Variants in UROS observed in about 807,000 individuals in gnomAD.
The protein encoded by UROS is uroporphyrinogen-III synthase.
A neutral mutation model predicts 33.0 loss-of-function variants in UROS; 18 were observed. The ratio of observed to expected loss-of-function variants is 0.55; its 90% confidence interval spans 0.38 to 0.81. The LOEUF is 0.81. Among genes scored for constraint, UROS ranks in the 30% least tolerant of loss-of-function variants. The pLI is 0.00. For synonymous variants in UROS, 114 were observed against 121.1 expected (o/e 0.94, Z 0.38); for missense variants, 293 against 314.9 (o/e 0.93, Z 0.53).
In UROS at chr10:125,794,994, A is replaced by G; in HGVS notation, c.562-16T>C. 1 of 1,603,488 alleles carries G rather than the reference A, an allele frequency of 6.2e-7. No homozygotes were observed. The highest frequency in any genetic ancestry group is 8.5e-7 in the Non-Finnish European group (1 of 1,170,350). On this transcript the variant is annotated splice_polypyrimidine_tract_variant and intron_variant, in intron 8 of 9. Coordinates refer to ENST00000368797, the MANE Select transcript of UROS (RefSeq NM_000375.3). ...CTGGAACCCCCTGTGGGGAACAGAA[A>G]ACAAGATCAGTCCTTGCCATGAGAC...
chr10:125,790,826 C>T (rs1334831406), intron 9 of UROS, among the ~76,000 whole-genome samples: 1 of 149,688 alleles, frequency 6.7e-6, no homozygotes, highest in Non-Finnish European at 1.5e-5. Context: ...CGCCGTGGCT[C>T]ATGCCTGTAA....
intron 6 of UROS, among the ~76,000 whole-genome samples, chr10:125,798,419 C>T (rs1851542964): frequency 6.6e-6 from 1 of 152,224 alleles, no homozygotes; most frequent in African/African-American, 2.4e-5. Flanking sequence ...TCTTTTAACT[C>T]CTTCTGATCC....
chr10:125,797,210 C>T (rs997583667), intron 7 of UROS, among the ~76,000 whole-genome samples: 1 of 152,200 alleles, frequency 6.6e-6, no homozygotes, highest in Non-Finnish European at 1.5e-5. Context: ...CTGGGTCACA[C>T]TGCTCATGTG....
At chr10:125,804,845 A>C (rs10794023) in intron 6 of UROS, among the ~76,000 whole-genome samples, 119,660 of 152,154 alleles carry the variant, frequency 0.79, 47,378 homozygotes, top group South Asian at 0.82. Flanking sequence ...TTACTGATGT[A>C]TATGTTCCCC....
At chr10:125,785,848 G>A (rs1454109542), downstream of UROS, 2 of 152,248 alleles carry the variant, frequency 1.3e-5, no homozygotes, top group African/African-American at 4.8e-5. Flanking sequence ...AGCTGGAGGG[G>A]AAGGCACGTG....
intron 6 of UROS, among the ~76,000 whole-genome samples, chr10:125,803,756 C>A (rs1276054077): frequency 6.6e-6 from 1 of 152,206 alleles, no homozygotes; most frequent in East Asian, 1.9e-4. Context: ...ACTCAGTGCT[C>A]CCCAGCTTGC....
intron 6 of UROS, among the ~76,000 whole-genome samples, chr10:125,806,081 T>A (rs1852306551): frequency 6.6e-6 from 1 of 151,838 alleles, no homozygotes; most frequent in South Asian, 2.1e-4. Flanking sequence ...TAGAACAAGC[T>A]CCCAGTAACA....
chr10:125,802,921 C>T, intron 6 of UROS: 1 of 1,609,510 alleles, frequency 6.2e-7, no homozygotes. Flanking sequence ...GCCTTGCCAC[C>T]AAGGATGCGG....
intron 4 of UROS, among the ~76,000 whole-genome samples, chr10:125,813,406 T>C (rs983980510): frequency 2.6e-5 from 4 of 152,218 alleles, no homozygotes; most frequent in Non-Finnish European, 5.9e-5. Context: ...TAGTGACCTT[T>C]CTAGGGTTTT....
downstream of UROS, among the ~76,000 whole-genome samples, chr10:125,787,476 C>CG (rs560103986): frequency 1.1e-4 from 17 of 152,240 alleles, no homozygotes; most frequent in East Asian, 3.3e-3. Flanking sequence ...TTTCCAAACA[C>CG]GGGTGCACAC....
chr10:125,814,926 A>G, intron 4 of UROS, 108 bp downstream of exon 4: 4 of 1,234,428 alleles, frequency 3.2e-6, no homozygotes, highest in Non-Finnish European at 4.7e-6. Context: ...GATACCACTA[A>G]GCACTCACTT....
chr10:125,818,492 A>AAATAATAATAATAATAAT (rs36118712), intron 1 of UROS, among the ~76,000 whole-genome samples: 4 of 147,606 alleles, frequency 2.7e-5, no homozygotes, highest in African/African-American at 7.4e-5. Context: ...GATCTTGTCT[A>AAATAATAATAATAATAAT]AATAATAATA....
At chr10:125,821,013 T>C (rs578218454) in intron 1 of UROS, among the ~76,000 whole-genome samples, 42 of 152,320 alleles carry the variant, frequency 2.8e-4, no homozygotes, top group Admixed American at 6.5e-4. Context: ...TAAGGCTTTT[T>C]CCCCTACTTG....
chr10:125,819,234 G>A lies in UROS; in HGVS notation c.-26-2709C>T, dbSNP rs982007075. On this transcript the variant is annotated intron_variant, in intron 1 of 9. Transcript: ENST00000368797. Reference sequence around the variant, plus strand: ...CTTAACCTCGTGATCCGGCTGCCTTGGCTTCCCAAAGTGTTGAGATTACAG... The same window carrying A: ...CTTAACCTCGTGATCCGGCTGCCTTAGCTTCCCAAAGTGTTGAGATTACAG... Among the ~76,000 whole-genome samples, 12 of 152,234 alleles carry A rather than the reference G, an allele frequency of 7.9e-5. No homozygotes were observed. In the South Asian group the frequency reaches 8.3e-4, roughly 11 times the overall value.
chr10:125,817,679 T>G (rs1853463040), intron 1 of UROS, among the ~76,000 whole-genome samples: 1 of 152,036 alleles, frequency 6.6e-6, no homozygotes. Context: ...GAGCTTCACA[T>G]GCATTAAGTC....
At chr10:125,793,056 C>CA (rs1168362683) in intron 9 of UROS, 6 of 152,200 alleles carry the variant, frequency 3.9e-5, no homozygotes, top group Admixed American at 2.0e-4. Context: ...GAGAGCTCCT[C>CA]AGAGTGTCTG....
chr10:125,809,683 G>C (rs1019085220), intron 5 of UROS, among the ~76,000 whole-genome samples: 1 of 152,104 alleles, frequency 6.6e-6, no homozygotes, highest in African/African-American at 2.4e-5. Context: ...ACAATGTTAA[G>C]TGAGGACTTT....
At chr10:125,792,343 C>G (rs964464749) in intron 9 of UROS, 1 of 152,178 alleles carries the variant, frequency 6.6e-6, no homozygotes, top group Admixed American at 6.5e-5. Context: ...CTTCCCCAGG[C>G]CAGGCGAGGG....
intron 5 of UROS, among the ~76,000 whole-genome samples, chr10:125,810,745 T>A (rs867630932): frequency 6.6e-6 from 1 of 152,194 alleles, no homozygotes; most frequent in African/African-American, 2.4e-5. Context: ...CAATGCCTTG[T>A]CCCTGTACCT....
Sources: allele counts gnomAD v4.1 joint callset (sites outside exome capture counted in the v4.1 genomes callset), GRCh38; gene constraint gnomAD v4.1.1; transcripts MANE v1.5; gene names NCBI Gene and HGNC (gene_info 2026-07-23, HGNC 2026-07-21).